Variants in LRIG1 observed in about 807,000 individuals in gnomAD.
The protein encoded by LRIG1 is leucine rich repeats and immunoglobulin like domains 1.
LRIG1 carries 48 observed loss-of-function variants against 99.2 expected under a neutral mutation model. That is an observed-to-expected ratio of 0.48 (90% confidence interval 0.38 to 0.62). The LOEUF (loss-of-function observed/expected upper bound fraction) is 0.62. LRIG1 is among the 20% of genes least tolerant of loss of function. The probability of loss-of-function intolerance (pLI) is 0.00; values close to 1 mark genes in which losing one functional copy is unlikely to be tolerated. For synonymous variants in LRIG1, 772 were observed against 596.1 expected, an observed-to-expected ratio of 1.29 and a Z score of -4.30; for missense variants, 1,646 against 1,434.4, an observed-to-expected ratio of 1.15 and a Z score of -2.38.
chr3:66,393,024 G>T (rs1318921936), intron 12 of LRIG1, among the ~76,000 whole-genome samples: 1 of 152,202 alleles, frequency 6.6e-6, no homozygotes, highest in Non-Finnish European at 1.5e-5. Flanking sequence ...AGTTCAGCAG[G>T]CCTGTTCTCA....
intron 7 of LRIG1, 81 bp from the exon 8 acceptor site, chr3:66,407,572 C>A: frequency 2.0e-6 from 3 of 1,537,356 alleles, no homozygotes; most frequent in South Asian, 1.2e-5. Context: ...GGGCCACAGT[C>A]AGCTGGGTTT....
At chr3:66,412,682 G>A (rs993100985) in intron 6 of LRIG1, among the ~76,000 whole-genome samples, 189 bp downstream of exon 6, 3 of 152,188 alleles carry the variant, frequency 2.0e-5, no homozygotes, top group Admixed American at 2.0e-4. Flanking sequence ...ATGCTGGTGT[G>A]GGCGCGCACG....
chr3:66,497,704 C>CCAAAAAAAAAAAAAAAAA (rs1553727956), intron 1 of LRIG1, among the ~76,000 whole-genome samples: 1 of 89,266 alleles, frequency 1.1e-5, no homozygotes, highest in African/African-American at 4.8e-5. Context: ...GCACTGTTTA[C>CCAAAAAAAAAAAAAAAAA]AAAAAAAAAA....
chr3:66,469,582 C>A (rs567741720), intron 1 of LRIG1, among the ~76,000 whole-genome samples: 1 of 152,192 alleles, frequency 6.6e-6, no homozygotes, highest in Non-Finnish European at 1.5e-5. Context: ...CTCGGCCTTA[C>A]TAGTTCACAC....
chr3:66,415,009 C>A lies in LRIG1; in HGVS notation c.558G>T (p.Leu186=). The A allele has an allele frequency of 6.2e-7, 1 of 1,612,774 alleles. No individual in the cohort carries two copies. The highest frequency in any genetic ancestry group is 8.5e-7 in the Non-Finnish European group (1 of 1,179,364). ...GTLELGAFDG[L]SRSLLTLRLS... ...GGCGAAGAGTTAGCAGCGACCGTGA[C>A]AGACCATCAAATGCTCCCAACTCCA... is the stretch of plus-strand genomic sequence containing the variant. The change falls in exon 5 of 19, where the codon CTG becomes CTT. Residue 186 remains leucine, a synonymous_variant. Transcript: ENST00000273261.
intron 2 of LRIG1, among the ~76,000 whole-genome samples, chr3:66,457,397 G>A (rs923507977): frequency 7.9e-5 from 12 of 152,062 alleles, no homozygotes; most frequent in Non-Finnish European, 4.4e-5. Context: ...AGGCAGCAGG[G>A]AATTCATCTC....
intron 1 of LRIG1, among the ~76,000 whole-genome samples, chr3:66,481,296 G>A (rs1340332983): frequency 6.6e-6 from 1 of 152,216 alleles, no homozygotes. Context: ...CTTTCAGAGT[G>A]CAAAGTTCAC....
At position 66,390,821 on chromosome 3, in the gene LRIG1, T is replaced by A. The variant is rs929784017; in HGVS notation, c.1468+3219A>T. ...AAAAGAAAAAATAGAGATATTGAAC[T>A]TCACCAAAATTAAAAACTTTTGCAT... is the stretch of plus-strand genomic sequence containing the variant. On this transcript the variant is annotated intron_variant, in intron 12 of 18. Transcript: ENST00000273261. Among the ~76,000 whole-genome samples, 16 of 152,218 alleles carry A rather than the reference T, an allele frequency of 1.1e-4. 1 individual carries two copies. Among genetic ancestry groups the A allele is most frequent in the African/African-American group, 3.9e-4 (16 of 41,536 alleles).
intron 2 of LRIG1, among the ~76,000 whole-genome samples, chr3:66,459,699 G>A (rs974292327): frequency 5.3e-5 from 8 of 152,320 alleles, no homozygotes; most frequent in Non-Finnish European, 1.2e-4. Context: ...CTCAGTGAGA[G>A]GAGAGGTTTG....
chr3:66,495,426 G>A (rs73085536), intron 1 of LRIG1, among the ~76,000 whole-genome samples: 1,616 of 152,278 alleles, frequency 0.011, 14 homozygotes, highest in Middle Eastern at 0.037. Flanking sequence ...CTGAGGAGGG[G>A]GAACGTACCC....
rs1432149005 is a variant in LRIG1, at chr3:66,398,125, T to G, written c.1291A>C (p.Asn431His). The change falls in exon 11 of 19, where the codon AAT (asparagine) becomes CAT (histidine). Residue 431 changes from asparagine (N) to histidine (H), a missense_variant. Coordinates refer to ENST00000273261, the MANE Select transcript of LRIG1 (RefSeq NM_015541.3). The part of the protein sequence containing the change: ...VQFDAFVKMK[N>H]LKELHISSDS... ...CCAGATACTTACAGCTCTTTAAGAT[T>G]CTTCATCTTCACAAAGGCATCAAAC... 3 of 1,613,770 alleles carry G rather than the reference T, an allele frequency of 1.9e-6. No individual in the cohort carries two copies. The highest frequency in any genetic ancestry group is 2.5e-6 in the Non-Finnish European group (3 of 1,179,630).
At chr3:66,407,873 C>G (rs1702331211) in intron 7 of LRIG1, among the ~76,000 whole-genome samples, 2 of 152,226 alleles carry the variant, frequency 1.3e-5, no homozygotes, top group South Asian at 4.1e-4. Context: ...TAGCAGAAGC[C>G]TGGGATTCTG....
chr3:66,383,050 G>A lies in LRIG1; in HGVS notation c.2423C>T (p.Ser808Leu). The A allele has an allele frequency of 1.2e-6, 2 of 1,614,208 alleles. No individual in the cohort carries two copies. Among genetic ancestry groups the A allele is most frequent in the Non-Finnish European group, 1.7e-6 (2 of 1,180,032 alleles). Reference protein sequence around the residue: ...IAVVSSIVLTSLVWVCIIYQT... With the variant: ...IAVVSSIVLTLLVWVCIIYQT... ...GTAGATGATGCACACCCAGACCAGT[G>A]ACGTCAGGACGATGCTGCTCACGAC... is the stretch of plus-strand genomic sequence containing the variant. The change falls in exon 15 of 19, where the codon TCA becomes TTA. Residue 808 changes from serine to leucine, a missense_variant. Transcript: ENST00000273261.
intron 3 of LRIG1, among the ~76,000 whole-genome samples, chr3:66,432,149 A>AG (rs35736690): frequency 0.039 from 6,001 of 152,260 alleles, 387 homozygotes; most frequent in African/African-American, 0.14. Context: ...TGGCCTGAGC[A>AG]TTCCACCACC....
chr3:66,379,580 A>G lies in LRIG1; in HGVS notation c.*683T>C, dbSNP rs1700909512. 4.0e-5 allele frequency: 6 copies of G among 151,458 alleles called. No individual in the cohort carries two copies. Among genetic ancestry groups the G allele is most frequent in the Admixed American group, 3.9e-4 (6 of 15,238 alleles). The allele number at this position is 151,458 out of a possible 1,614,324, so 9.4% of individuals were successfully genotyped here. ...ATTAACAACCCTCATTCTACGCCTT[A>G]CAGACGGACAGATTCTACGCCTTAC... On this transcript the variant is annotated 3_prime_UTR_variant, in exon 19 of 19. Transcript: ENST00000273261.
At chr3:66,466,932 C>T (rs1311747295) in intron 1 of LRIG1, among the ~76,000 whole-genome samples, 1 of 152,204 alleles carries the variant, frequency 6.6e-6, no homozygotes. Context: ...TTCTGTCAGC[C>T]ATTGTCATAA....
chr3:66,472,030 C>A (rs1234044116), intron 1 of LRIG1, among the ~76,000 whole-genome samples: 1 of 152,034 alleles, frequency 6.6e-6, no homozygotes, highest in African/African-American at 2.4e-5. Flanking sequence ...TCGGGCCAGG[C>A]GTGGTGGCTC....
At chr3:66,466,031 C>T (rs978601722) in intron 1 of LRIG1, among the ~76,000 whole-genome samples, 1 of 152,120 alleles carries the variant, frequency 6.6e-6, no homozygotes, top group Admixed American at 6.5e-5. Flanking sequence ...TCACATGTGT[C>T]AGAATTTCAT....
At chr3:66,438,665 T>C (rs1703441517) in intron 3 of LRIG1, among the ~76,000 whole-genome samples, 1 of 152,194 alleles carries the variant, frequency 6.6e-6, no homozygotes, top group Admixed American at 6.5e-5. Context: ...GGAATGAGCC[T>C]TGGGTTACGT....
Sources: gnomAD v4.1 joint callset for allele counts (sites outside exome capture counted in the v4.1 genomes callset) on GRCh38, gnomAD v4.1.1 for gene constraint, MANE v1.5 for transcripts, NCBI Gene and HGNC (gene_info 2026-07-23, HGNC 2026-07-21) for gene names.